The following BAHCC1 variants were observed in gnomAD, a reference collection of about 807,000 sequenced individuals.
BAHCC1 encodes BAH domain and coiled-coil containing 1.
In BAHCC1, 43 loss-of-function variants were observed where a neutral mutation model predicts 88.2. The ratio of observed to expected loss-of-function variants is 0.49; its 90% CI spans 0.38 to 0.63. The LOEUF is 0.63. Ranked by LOEUF, BAHCC1 falls within the 20% of genes least tolerant of loss-of-function variation. The probability of loss-of-function intolerance (pLI) is 0.00; values close to 1 mark genes in which losing one functional copy is unlikely to be tolerated. For synonymous variants in BAHCC1, 1,510 were observed against 745.5 expected, an observed-to-expected ratio of 2.03 and a Z score of -16.71; for missense variants, 3,023 against 1,654.8, an observed-to-expected ratio of 1.83 and a Z score of -14.34.
chr17:81,457,878 A>G (rs1159671515), intron 17 of BAHCC1, among the ~76,000 whole-genome samples: 144 of 11,166 alleles, frequency 0.013, no homozygotes, highest in Admixed American at 0.037. Context: ...AACCGGGGGG[A>G]GGGCAGGGGT....
rs2064207919 is a variant in BAHCC1 at position 81,426,991 on chromosome 17, G to A, written c.358+12G>A. The A allele has an allele frequency of 5.0e-6, 2 of 398,614 alleles. No homozygotes were observed. Among genetic ancestry groups the A allele is most frequent in the South Asian group, 2.5e-4 (2 of 7,864 alleles). The allele number at this position is 398,614 out of a possible 1,614,324, so 24.7% of individuals were successfully genotyped here. A position where few individuals can be genotyped will look rare whatever the true frequency, so the allele number is the denominator to read the frequency against. ...CCACTCCCACGAAGGTAAGTTGGCG[G>A]ACTGGGCTCCCAGCGACACCCTGGT... is the stretch of plus-strand genomic sequence containing the variant. On this transcript the variant is annotated intron_variant, in intron 3 of 27. Coordinates refer to ENST00000675386, the MANE Select transcript of BAHCC1 (RefSeq NM_001377448.1).
Position 81,399,855 on chromosome 17 carries a change from C to G in BAHCC1, c.116C>G (p.Pro39Arg). 1 of 1,442,380 alleles carries G rather than the reference C, an allele frequency of 6.9e-7. No homozygotes were observed. Among genetic ancestry groups the G allele is most frequent in the Non-Finnish European group, 9.1e-7 (1 of 1,096,292 alleles). 89.3% of individuals were successfully genotyped at this position (1,442,380 alleles called of 1,614,324 possible). A position where few individuals can be genotyped will look rare whatever the true frequency, so the allele number is the denominator to read the frequency against. Residue 39 changes from proline (P) to arginine (R), a missense_variant, in exon 2 of 28, where the codon CCC becomes CGC. Transcript: ENST00000675386. This position sits in a 1 kb window ranked among gnomAD's most constrained non-coding sequence, Gnocchi z 4.5. ...GCCCCGGCTGGGCCCGCCGCGCAGCCCCCCGCACACTTCCAGCCGGGAAAG... is the reference window on the plus strand; with the variant it reads ...GCCCCGGCTGGGCCCGCCGCGCAGCGCCCCGCACACTTCCAGCCGGGAAAG... ...RLAPAGPAAQPPAHFQPGKYF... is the reference protein window; with the variant it reads ...RLAPAGPAAQRPAHFQPGKYF...
Position 81,458,908 on chromosome 17 carries a change from G to C in BAHCC1, c.5544G>C (p.Glu1848Asp), listed in dbSNP as rs782757404. 1.2e-5 allele frequency: 9 copies of C among 771,474 alleles called. No homozygotes were observed. The highest frequency in any genetic ancestry group is 1.9e-5 in the Non-Finnish European group (8 of 412,866). 47.8% of individuals were successfully genotyped at this position (771,474 alleles called of 1,614,324 possible). ...ACAGCAGCTTCTCGGAAGAGGAGGA[G>C]GACGAGGAGGAAGAGGAGGAGGACA... ...DDNSSFSEEE[E>D]DEEEEEEDSG... Residue 1848 changes from glutamate to aspartate, a missense_variant, in exon 20 of 28, where the codon GAG becomes GAC. Glu to Asp is a conservative substitution (Grantham distance 45). Coordinates refer to ENST00000675386, the MANE Select transcript of BAHCC1 (RefSeq NM_001377448.1).
intron 2 of BAHCC1, among the ~76,000 whole-genome samples, chr17:81,418,988 G>C (rs1271189609): frequency 2.0e-5 from 3 of 152,066 alleles, no homozygotes; most frequent in Non-Finnish European, 2.9e-5. Context: ...GCAAGTGTGA[G>C]TGTGTGCAAG....
Position 81,459,021 on chromosome 17 carries a change from G to T in BAHCC1, c.5606-33G>T, listed in dbSNP as rs782539551. ...CCGCCTGGGGAGGGGTGGTGGGTAG[G>T]CCGTGCCGGCCGCTGACACCTTGTG... On this transcript the variant is annotated intron_variant, in intron 20 of 27. Coordinates refer to ENST00000675386, the MANE Select transcript of BAHCC1 (RefSeq NM_001377448.1). The T allele has an allele frequency of 9.6e-6, 7 of 727,184 alleles. No individual in the cohort carries two copies. The Admixed American group carries it at 1.3e-4, about 14-fold the overall frequency. 45.0% of individuals were successfully genotyped at this position (727,184 alleles called of 1,614,324 possible). A position where few individuals can be genotyped will look rare whatever the true frequency, so the allele number is the denominator to read the frequency against.
intron 2 of BAHCC1, among the ~76,000 whole-genome samples, chr17:81,400,378 C>T (rs1383376628): frequency 6.6e-6 from 1 of 151,918 alleles, no homozygotes; most frequent in African/African-American, 2.4e-5. Flanking sequence ...GTGGTGTGTG[C>T]GCCGGGCGAG....
At position 81,435,871 on chromosome 17, in the gene BAHCC1, G is replaced by A. The variant is rs2064328477; in HGVS notation, c.359-2499G>A. Among the ~76,000 whole-genome samples the A allele has an allele frequency of 6.6e-6, 1 of 152,164 alleles. No individual in the cohort carries two copies. The highest frequency in any genetic ancestry group is 1.5e-5 in the Non-Finnish European group (1 of 68,026). On this transcript the variant is annotated intron_variant, in intron 3 of 27. Transcript: ENST00000675386. This position sits in a 1 kb window ranked among gnomAD's most constrained non-coding sequence, Gnocchi z 4.4. Reference sequence around the variant, plus strand: ...GTGTGTCCCCGGCCCAGCCACAGCAGCCCTGCCTTCTGGCTTCTGGCCTCA... The same window carrying A: ...GTGTGTCCCCGGCCCAGCCACAGCAACCCTGCCTTCTGGCTTCTGGCCTCA...
At chr17:81,415,402 A>G (rs1568000451) in intron 2 of BAHCC1, 3 of 358,558 alleles carry the variant, frequency 8.4e-6, no homozygotes, top group East Asian at 9.4e-5. Context: ...ACGCCTTGAG[A>G]CACAGAGTTT....
chr17:81,451,711 C>T lies in BAHCC1; in HGVS notation c.4020C>T (p.Ala1340=), dbSNP rs782379792. The T allele has an allele frequency of 9.0e-6, 7 of 776,894 alleles. No homozygotes were observed. Among genetic ancestry groups the T allele is most frequent in the Non-Finnish European group, 9.6e-6 (4 of 417,742 alleles). 48.1% of individuals were successfully genotyped at this position (776,894 alleles called of 1,614,324 possible). Reference sequence around the variant, plus strand: ...TAGCCTTCAACCTGCAGCACCTGGCCACGCTGGCCACAGCCTGGTCCCTGG... The same window carrying T: ...TAGCCTTCAACCTGCAGCACCTGGCTACGCTGGCCACAGCCTGGTCCCTGG... ...DVLAFNLQHL[A]TLATAWSLVE... Residue 1340 remains alanine, a synonymous_variant, in exon 12 of 28, where the codon GCC becomes GCT. Coordinates refer to ENST00000675386, the MANE Select transcript of BAHCC1 (RefSeq NM_001377448.1).
intron 3 of BAHCC1, among the ~76,000 whole-genome samples, chr17:81,430,389 C>A (rs1291928415): frequency 1.3e-5 from 2 of 152,114 alleles, no homozygotes; most frequent in Non-Finnish European, 2.9e-5. Context: ...GGCAGGCACA[C>A]ACACGCGCTG....
At chr17:81,425,015 GGTGATGAT>G (rs2064159988) in intron 2 of BAHCC1, among the ~76,000 whole-genome samples, 1 of 146,150 alleles carries the variant, frequency 6.8e-6, no homozygotes, top group Non-Finnish European at 1.5e-5. Flanking sequence ...TGATGTGGTT[GGTGATGAT>G]GTGGTTGGGG....
rs1011317112 is a variant in BAHCC1 at position 81,461,282 on chromosome 17, C to T, written c.6619C>T (p.Leu2207=). The T allele has an allele frequency of 1.4e-6, 1 of 705,948 alleles. No homozygotes were observed. Among genetic ancestry groups the T allele is most frequent in the Non-Finnish European group, 2.6e-6 (1 of 383,628 alleles). The allele number at this position is 705,948 out of a possible 1,614,324, so 43.7% of individuals were successfully genotyped here. ...GGRRRAGGEF[L]VKLDHEGVTS... is the part of the protein sequence containing the mutation. ...GCGGCGGCGGGCGGGCGGTGAGTTC[C>T]TGGTCAAGCTGGACCACGAGGGTGT... Residue 2207 remains leucine, a synonymous_variant, in exon 26 of 28, where the codon CTG becomes TTG. Transcript: ENST00000675386.
intron 2 of BAHCC1, among the ~76,000 whole-genome samples, chr17:81,426,129 G>C (rs2143406967): frequency 8.2e-6 from 1 of 122,666 alleles, no homozygotes; most frequent in African/African-American, 2.9e-5. Context: ...TGGTGATAGT[G>C]GTTGGTGGTG....
At chr17:81,412,633 C>T (rs2063968534) in intron 2 of BAHCC1, among the ~76,000 whole-genome samples, 2 of 152,216 alleles carry the variant, frequency 1.3e-5, no homozygotes, top group Non-Finnish European at 2.9e-5. Flanking sequence ...GTCACCGACT[C>T]TCCCTCCTGG....
intron 20 of BAHCC1, 38 bp from the exon 21 acceptor site, chr17:81,459,016 G>T: frequency 1.4e-6 from 1 of 727,004 alleles, no homozygotes; most frequent in East Asian, 2.6e-5. Flanking sequence ...AGGGGTGGTG[G>T]GTAGGCCGTG....
intron 3 of BAHCC1, among the ~76,000 whole-genome samples, chr17:81,431,221 C>CA (rs1262526079): frequency 6.6e-6 from 1 of 152,158 alleles, no homozygotes; most frequent in Admixed American, 6.5e-5. Context: ...CCAGCCCTCC[C>CA]ATACCCTCGG....
chr17:81,436,654 G>A (rs1555651793), intron 3 of BAHCC1, among the ~76,000 whole-genome samples: 2 of 151,774 alleles, frequency 1.3e-5, no homozygotes, highest in African/African-American at 4.8e-5. Context: ...CAGGATTGGA[G>A]TTTAATCTGG....
Position 81,444,624 on chromosome 17 carries a change from C to A in BAHCC1, c.2513-44C>A, listed in dbSNP as rs782359601. 5 of 758,516 alleles carry A rather than the reference C, an allele frequency of 6.6e-6. No individual in the cohort carries two copies. In the South Asian group the frequency reaches 6.8e-5, roughly 10 times the overall value. The allele number at this position is 758,516 out of a possible 1,614,324, so 47.0% of individuals were successfully genotyped here. A position where few individuals can be genotyped will look rare whatever the true frequency, so the allele number is the denominator to read the frequency against. On this transcript the variant is annotated intron_variant, in intron 7 of 27. Transcript: ENST00000675386. ...GGGCTGATGAGGGTTCCCTCCTGGT[C>A]CCCGAGAGTGCGAGGCCTGACCACT...
intron 2 of BAHCC1, among the ~76,000 whole-genome samples, chr17:81,424,082 C>T (rs1022098815): frequency 6.6e-5 from 10 of 152,358 alleles, no homozygotes; most frequent in African/African-American, 2.4e-4. Flanking sequence ...CCGTCCTCAG[C>T]GCCACCCTTC....
Sources: allele counts gnomAD v4.1 joint callset (sites outside exome capture counted in the v4.1 genomes callset), GRCh38; gene constraint gnomAD v4.1.1; non-coding constraint Gnocchi (gnomAD v3.1); transcripts MANE v1.5; gene names NCBI Gene and HGNC (gene_info 2026-07-23, HGNC 2026-07-21).